The following PWWP3A variants were observed in gnomAD, a reference collection of about 807,000 sequenced individuals.
The protein encoded by PWWP3A is PWWP domain containing 3A, DNA repair factor, also known as PWWP domain-containing DNA repair factor 3A.
In PWWP3A, 53 loss-of-function variants were observed where a neutral mutation model predicts 79.0. The ratio of observed to expected loss-of-function variants is 0.67; its 90% confidence interval spans 0.54 to 0.84. The LOEUF is 0.84. Ranked by LOEUF, PWWP3A falls within the 40% of genes least tolerant of loss-of-function variation. The pLI is 0.00. For synonymous variants in PWWP3A, 443 were observed against 394.4 expected (o/e 1.12, Z -1.46); for missense variants, 973 against 948.0 (o/e 1.03, Z -0.35).
At chr19:1,362,107 T>G in intron 5 of PWWP3A, 143 bp from the exon 6 acceptor site, 1 of 540,688 alleles carries the variant, frequency 1.8e-6, no homozygotes, top group Non-Finnish European at 3.2e-6. Context: ...GCGCACTCTG[T>G]TTGAATTTGG....
In PWWP3A at chr19:1,368,855, G is replaced by A. The variant is rs73920445; in HGVS notation, c.1423-410G>A. On this transcript the variant is annotated intron_variant, in intron 9 of 13. Coordinates refer to ENST00000591337, the MANE Select transcript of PWWP3A (RefSeq NM_001369789.1). This position sits in a 1 kb window ranked among gnomAD's most constrained non-coding sequence, Gnocchi z 4.7. ...GACCAGCCCAAGCCTTCGGGTCCCC[G>A]GTGCCCACCTGCGTTCAGACCAGCC... Among the ~76,000 whole-genome samples the A allele has an allele frequency of 9.1e-4, 132 of 144,890 alleles. 1 individual carries two copies. Among genetic ancestry groups the A allele is most frequent in the African/African-American group, 3.4e-3 (124 of 36,792 alleles).
intron 7 of PWWP3A, 77 bp downstream of exon 7, chr19:1,364,656 C>A: frequency 8.7e-7 from 1 of 1,146,018 alleles, no homozygotes; most frequent in East Asian, 2.4e-5. Context: ...ATCTTTAGTT[C>A]TTGATAATTT....
In PWWP3A at chr19:1,376,295, G is replaced by GTTTTTTTTTTT. The variant is rs754438911; in HGVS notation, c.2076-223_2076-213dup. Reference sequence around the variant, plus strand: ...CATGCGCCACCACGCCCGGCTGTTTGTTTTTTTTTTTGTTTGTTTTTTTTT... The same window carrying GTTTTTTTTTTT: ...CATGCGCCACCACGCCCGGCTGTTTGTTTTTTTTTTTTTTTTTTTTTTGTTTGTTTTTTTTT... On this transcript the variant is annotated intron_variant, in intron 13 of 13. Transcript: ENST00000591337. Among the ~76,000 whole-genome samples the GTTTTTTTTTTT allele has an allele frequency of 4.2e-4, 28 of 67,052 alleles. 6 individuals carry two copies. The highest frequency in any genetic ancestry group is 9.2e-4 in the Admixed American group (5 of 5,432). The allele number at this position is 67,052 out of a possible 152,430, so 44.0% of individuals were successfully genotyped here.
rs1600116707 is a variant in PWWP3A, at chr19:1,368,352, C to T, written c.1423-913C>T. 1.3e-5 allele frequency among the ~76,000 whole-genome samples: 2 copies of T among 152,152 alleles called. No homozygotes were observed. The highest frequency in any genetic ancestry group is 2.1e-4 in the South Asian group (1 of 4,824). ...CTGGGTTCTGAGAGCACAGGGTGCC[C>T]GCTTCTTCTTCCTAAGAGTGCGCTC... On this transcript the variant is annotated intron_variant, in intron 9 of 13. Coordinates refer to ENST00000591337, the MANE Select transcript of PWWP3A (RefSeq NM_001369789.1). The surrounding 1 kb of genome is among the most constrained non-coding windows in gnomAD (Gnocchi z 4.7).
intron 13 of PWWP3A, among the ~76,000 whole-genome samples, chr19:1,375,004 A>C (rs545687965): frequency 1.1e-4 from 16 of 151,868 alleles, no homozygotes; most frequent in African/African-American, 3.9e-4. Flanking sequence ...GTGGATCACG[A>C]GGTCAGGAGT....
chr19:1,366,064 CT>C (rs1365788324), intron 7 of PWWP3A, among the ~76,000 whole-genome samples: 2 of 152,344 alleles, frequency 1.3e-5, no homozygotes, highest in African/African-American at 4.8e-5. Context: ...AGCTGTGGTT[CT>C]TTTTATTCAA....
chr19:1,356,408 T>C lies in PWWP3A; in HGVS notation c.16T>C (p.Tyr6His), dbSNP rs138478394. The C allele has an allele frequency of 3.1e-6, 5 of 1,614,204 alleles. No individual in the cohort carries two copies. The highest frequency in any genetic ancestry group is 4.2e-6 in the Non-Finnish European group (5 of 1,180,018). The change falls in exon 2 of 14, where the codon TAT becomes CAT. Residue 6 changes from tyrosine to histidine, a missense_variant. Tyr to His is a moderately conservative substitution (Grantham distance 83). Coordinates refer to ENST00000591337, the MANE Select transcript of PWWP3A (RefSeq NM_001369789.1). MADAK[Y>H]VLCRWEKRLW... is the part of the protein sequence containing the mutation. ...AGTGTAAATGATGGCGGATGCCAAGTATGTCCTCTGCCGATGGGAAAAGCG... is the reference window on the plus strand; with the variant it reads ...AGTGTAAATGATGGCGGATGCCAAGCATGTCCTCTGCCGATGGGAAAAGCG...
chr19:1,357,191 C>T lies in PWWP3A; in HGVS notation c.143+97C>T, dbSNP rs936924374. Reference sequence around the variant, plus strand: ...CAAAACAGTTGAAGCCCAGCCCACTCTTAATGGGCTTATTCACCATTTGTG... The same window carrying T: ...CAAAACAGTTGAAGCCCAGCCCACTTTTAATGGGCTTATTCACCATTTGTG... On this transcript the variant is annotated intron_variant, in intron 3 of 13. Coordinates refer to ENST00000591337, the MANE Select transcript of PWWP3A (RefSeq NM_001369789.1). The T allele has an allele frequency of 1.9e-5, 15 of 795,924 alleles. 1 individual carries two copies. Among genetic ancestry groups the T allele is most frequent in the South Asian group, 8.7e-5 (5 of 57,594 alleles). The allele number at this position is 795,924 out of a possible 1,614,324, so 49.3% of individuals were successfully genotyped here. A position where few individuals can be genotyped will look rare whatever the true frequency, so the allele number is the denominator to read the frequency against.
intron 12 of PWWP3A, chr19:1,371,606 T>A: frequency 1.7e-6 from 1 of 585,414 alleles, no homozygotes; most frequent in East Asian, 2.9e-5. Context: ...TACAGATGAT[T>A]TTGAAGTTTG....
chr19:1,376,314 T>TTTTTTTTTTTTTTTTTG (rs1568968994), intron 13 of PWWP3A, among the ~76,000 whole-genome samples: 2 of 131,230 alleles, frequency 1.5e-5, no homozygotes, highest in Non-Finnish European at 3.3e-5. Flanking sequence ...TTTGTTTGTT[T>TTTTTTTTTTTTTTTTTG]TTTTTTTTTT....
In PWWP3A at chr19:1,360,308, G is replaced by A; in HGVS notation, c.387G>A (p.Ser129=). 3 of 1,613,870 alleles carry A rather than the reference G, an allele frequency of 1.9e-6. No individual in the cohort carries two copies. Among genetic ancestry groups the A allele is most frequent in the South Asian group, 1.1e-5 (1 of 91,062 alleles). Residue 129 remains serine (S), a synonymous_variant, in exon 5 of 14, where the codon TCG becomes TCA. Transcript: ENST00000591337. The surrounding 1 kb of genome is among the most constrained non-coding windows in gnomAD (Gnocchi z 4.4). ...GGAAGCCCATGGAGCATGTCTCCTC[G>A]CCCTGTGATTCGAACTCCTCATCTC... ...LRGKPMEHVS[S]PCDSNSSSLP...
chr19:1,364,566 T>G lies in PWWP3A; in HGVS notation c.1271T>G (p.Phe424Cys), dbSNP rs757142140. ...LVWHKHKKYP[F>C]WPAVVKSVRQ... ...TGGCATAAACATAAAAAATACCCCT[T>G]CTGGCCAGCAGTGGTAAGAACAGCT... Residue 424 changes from phenylalanine to cysteine, a missense_variant, in exon 7 of 14, where the codon TTC (phenylalanine) becomes TGC (cysteine). Physicochemically the swap from Phe to Cys is radical, Grantham distance 205. Transcript: ENST00000591337. The G allele has an allele frequency of 6.2e-7, 1 of 1,608,302 alleles. No individual in the cohort carries two copies. Among genetic ancestry groups the G allele is most frequent in the Non-Finnish European group, 8.5e-7 (1 of 1,178,124 alleles).
intron 13 of PWWP3A, among the ~76,000 whole-genome samples, chr19:1,375,537 T>TATATATAAAATA (rs1162661703): frequency 1.0e-5 from 1 of 96,216 alleles, no homozygotes; most frequent in Non-Finnish European, 1.9e-5. Context: ...ATTTATATAT[T>TATATATAAAATA]TTATATATAA....
chr19:1,365,357 C>G (rs978851718), intron 7 of PWWP3A, among the ~76,000 whole-genome samples: 7 of 152,264 alleles, frequency 4.6e-5, no homozygotes, highest in African/African-American at 1.7e-4. Context: ...TGGGTGCTGT[C>G]CTGGCCTTCG....
chr19:1,357,288 A>G (rs1046548441), intron 3 of PWWP3A, 194 bp downstream of exon 3: 11 of 529,916 alleles, frequency 2.1e-5, no homozygotes, highest in Non-Finnish European at 3.3e-5. Flanking sequence ...TGGAAGCTGA[A>G]GATCCAAACG....
At chr19:1,367,553 G>A (rs1041831175) in intron 9 of PWWP3A, among the ~76,000 whole-genome samples, 4 of 152,220 alleles carry the variant, frequency 2.6e-5, no homozygotes, top group Non-Finnish European at 4.4e-5. Context: ...TTCCCTGGCC[G>A]ACTGTCTCAG....
Position 1,364,594 on chromosome 19 carries a change from C to T in PWWP3A, c.1284+15C>T. On this transcript the variant is annotated intron_variant, in intron 7 of 13. Transcript: ENST00000591337. ...GGCCAGCAGTGGTAAGAACAGCTTCCTCCGTCTTCTCAGATGTAGTTACTT... is the reference window on the plus strand; with the variant it reads ...GGCCAGCAGTGGTAAGAACAGCTTCTTCCGTCTTCTCAGATGTAGTTACTT... 1.3e-6 allele frequency: 2 copies of T among 1,565,766 alleles called. No individual in the cohort carries two copies. The highest frequency in any genetic ancestry group is 1.7e-6 in the Non-Finnish European group (2 of 1,153,532).
chr19:1,375,400 A>G (rs2082343534), intron 13 of PWWP3A, among the ~76,000 whole-genome samples: 1 of 124,318 alleles, frequency 8.0e-6, no homozygotes, highest in Non-Finnish European at 1.6e-5. Flanking sequence ...CCTCTCATAT[A>G]TATATAATAT....
At chr19:1,358,736 C>A in intron 4 of PWWP3A, 1 of 1,370,652 alleles carries the variant, frequency 7.3e-7, no homozygotes, top group Non-Finnish European at 9.9e-7. Context: ...CCCGTGGCCT[C>A]CAGTACACAA....
Sources: allele counts gnomAD v4.1 joint callset (sites outside exome capture counted in the v4.1 genomes callset), GRCh38; gene constraint gnomAD v4.1.1; non-coding constraint Gnocchi (gnomAD v3.1); transcripts MANE v1.5; gene names NCBI Gene and HGNC (gene_info 2026-07-23, HGNC 2026-07-21).